Variants in SHOC1 observed in about 807,000 individuals in gnomAD.
SHOC1 encodes shortage in chiasmata 1, also known as protein shortage in chiasmata 1 ortholog.
Under a neutral mutation model 179.2 loss-of-function variants are expected in SHOC1, and 136 were observed. That is an observed-to-expected ratio of 0.76 (90% CI 0.66 to 0.87). SHOC1 has a LOEUF of 0.87. SHOC1 is among the 40% of genes least tolerant of loss of function. The pLI is 0.00. For missense variants in SHOC1, 1,538 were observed against 1,700.8 expected (o/e 0.90, Z 1.68); for synonymous variants, 489 against 586.6 (o/e 0.83, Z 2.41).
chr9:111,769,993 T>G (rs1315882216), intron 5 of SHOC1, among the ~76,000 whole-genome samples: 52 of 146,630 alleles, frequency 3.5e-4, no homozygotes, highest in East Asian at 9.8e-4. Flanking sequence ...TTTGTTTTTT[T>G]TTTTTTTTTT....
intron 18 of SHOC1, among the ~76,000 whole-genome samples, chr9:111,708,242 G>A (rs1043396853): frequency 6.7e-6 from 1 of 149,570 alleles, no homozygotes; most frequent in Non-Finnish European, 1.5e-5. Context: ...TCGCTCTGTC[G>A]CCCAGGCTGG....
intron 2 of SHOC1, among the ~76,000 whole-genome samples, chr9:111,788,819 T>C (rs2131650768): frequency 6.6e-6 from 1 of 152,378 alleles, no homozygotes; most frequent in African/African-American, 2.4e-5. Context: ...AATCAGTTAA[T>C]AAGTTTGTAA....
chr9:111,781,539 A>G (rs1424133224), intron 3 of SHOC1, among the ~76,000 whole-genome samples: 1 of 152,156 alleles, frequency 6.6e-6, no homozygotes, highest in Non-Finnish European at 1.5e-5. Flanking sequence ...CCTGGCCAAC[A>G]TGGCAAAACC....
At chr9:111,708,212 AT>A (rs1422957225) in intron 18 of SHOC1, among the ~76,000 whole-genome samples, 2 of 143,060 alleles carry the variant, frequency 1.4e-5, no homozygotes, top group African/African-American at 2.8e-5. Flanking sequence ...TTTATTTTTT[AT>A]TTTTTTTGAG....
chr9:111,706,507 C>T (rs1431866183), intron 20 of SHOC1, 61 bp downstream of exon 20: 7 of 1,277,828 alleles, frequency 5.5e-6, no homozygotes, highest in Non-Finnish European at 2.1e-6. Context: ...AAATCATAAA[C>T]AAAAAATAGA....
chr9:111,716,452 G>A (rs1398555650), intron 16 of SHOC1, among the ~76,000 whole-genome samples: 7 of 125,280 alleles, frequency 5.6e-5, no homozygotes, highest in African/African-American at 1.5e-4. Flanking sequence ...GTGCAATGGC[G>A]CAATCTTGGC....
intron 8 of SHOC1, among the ~76,000 whole-genome samples, chr9:111,748,888 C>G (rs1834429047): frequency 7.9e-6 from 1 of 126,750 alleles, no homozygotes; most frequent in Non-Finnish European, 1.6e-5. Context: ...CCTTTTTTAT[C>G]TTTTGGCTTT....
At chr9:111,777,588 G>A (rs1589470239) in intron 4 of SHOC1, among the ~76,000 whole-genome samples, 1 of 152,184 alleles carries the variant, frequency 6.6e-6, no homozygotes, top group East Asian at 1.9e-4. Flanking sequence ...CATCTTTTTG[G>A]CTCTTTTAAC....
chr9:111,784,108 T>C (rs1324307835), intron 3 of SHOC1, among the ~76,000 whole-genome samples: 1 of 152,158 alleles, frequency 6.6e-6, no homozygotes, highest in Non-Finnish European at 1.5e-5. Context: ...CTTAAGAACT[T>C]CAAGTGAGGA....
chr9:111,788,235 T>TAAA (rs11378313), intron 2 of SHOC1, among the ~76,000 whole-genome samples: 2 of 143,422 alleles, frequency 1.4e-5, no homozygotes, highest in African/African-American at 5.1e-5. Flanking sequence ...AAAATGAGAA[T>TAAA]AAAAAAAAAA....
intron 12 of SHOC1, among the ~76,000 whole-genome samples, chr9:111,734,037 T>C (rs1833709453): frequency 6.6e-6 from 1 of 152,172 alleles, no homozygotes; most frequent in Non-Finnish European, 1.5e-5. Context: ...TTATTCTCTC[T>C]TTAAGCACCC....
intron 16 of SHOC1, among the ~76,000 whole-genome samples, chr9:111,716,344 A>C (rs1832784799): frequency 6.6e-6 from 1 of 150,864 alleles, no homozygotes; most frequent in Non-Finnish European, 1.5e-5. Context: ...ATATTGTTTA[A>C]GCCAACCTCC....
intron 12 of SHOC1, among the ~76,000 whole-genome samples, chr9:111,733,166 A>C (rs937636936): frequency 1.3e-5 from 2 of 152,196 alleles, no homozygotes; most frequent in Admixed American, 1.3e-4. Flanking sequence ...TTGGAAAAAA[A>C]ACAAATGCCT....
At chr9:111,699,205 G>T (rs1307560550) in intron 24 of SHOC1, among the ~76,000 whole-genome samples, 2 of 152,132 alleles carry the variant, frequency 1.3e-5, no homozygotes, top group Admixed American at 6.6e-5. Context: ...AGAAGAAGTA[G>T]AAGGAGAGAC....
chr9:111,703,430 G>T (rs1589382583), intron 22 of SHOC1, among the ~76,000 whole-genome samples: 2 of 152,008 alleles, frequency 1.3e-5, no homozygotes, highest in East Asian at 3.8e-4. Context: ...CAAACTATAT[G>T]AATTTTTGAA....
At chr9:111,759,597 G>C (rs535076126) in intron 5 of SHOC1, 1 of 1,047,482 alleles carries the variant, frequency 9.5e-7, no homozygotes, top group Admixed American at 5.4e-5. Flanking sequence ...TCTTCAATAA[G>C]TTTTTGAGTA....
chr9:111,792,200 G>C (rs137937355), intron 1 of SHOC1, among the ~76,000 whole-genome samples: 97 of 152,224 alleles, frequency 6.4e-4, no homozygotes, highest in African/African-American at 2.2e-3. Context: ...TCATTTACTT[G>C]AGAACTCAAG....
At chr9:111,696,411 T>C (rs774085652) in intron 24 of SHOC1, among the ~76,000 whole-genome samples, 1 of 152,166 alleles carries the variant, frequency 6.6e-6, no homozygotes, top group Non-Finnish European at 1.5e-5. Flanking sequence ...CCTCCTTTAA[T>C]ACAACAATGT....
intron 12 of SHOC1, among the ~76,000 whole-genome samples, chr9:111,734,529 G>C (rs1003202762): frequency 2.6e-5 from 4 of 151,994 alleles, no homozygotes; most frequent in Non-Finnish European, 5.9e-5. Context: ...AAATATCTTT[G>C]TCTTCTGTCT....
Sources: allele counts gnomAD v4.1 joint callset (sites outside exome capture counted in the v4.1 genomes callset), GRCh38; gene constraint gnomAD v4.1.1; transcripts MANE v1.5; gene names NCBI Gene and HGNC (gene_info 2026-07-23, HGNC 2026-07-21).